BICD1: variants seen among roughly 807,000 people sequenced by gnomAD.
BICD1 encodes BICD cargo adaptor 1.
Under a neutral mutation model 92.5 loss-of-function variants are expected in BICD1, and 35 were observed. That is an observed-to-expected ratio of 0.38 (90% CI 0.29 to 0.50). The LOEUF is 0.50. Among genes scored for constraint, BICD1 ranks in the 20% least tolerant of loss-of-function variants. The pLI is 0.93. For missense variants in BICD1, 950 were observed against 1,189.8 expected (o/e 0.80, Z 2.97); for synonymous variants, 429 against 465.1 (o/e 0.92, Z 1.00).
chr12:32,311,496 C>CA (rs1408202568), intron 4 of BICD1, among the ~76,000 whole-genome samples: 8 of 150,824 alleles, frequency 5.3e-5, no homozygotes, highest in Admixed American at 1.3e-4. Flanking sequence ...GACTCTGTCT[C>CA]AAAAAAAAGA....
intron 4 of BICD1, among the ~76,000 whole-genome samples, chr12:32,306,365 T>C (rs1004200561): frequency 2.0e-5 from 3 of 152,090 alleles, no homozygotes; most frequent in Non-Finnish European, 4.4e-5. Context: ...TGCCTCAGCC[T>C]CCCGAGTAGC....
chr12:32,359,280 T>TTC (rs1939231577), intron 8 of BICD1, among the ~76,000 whole-genome samples: 1 of 152,236 alleles, frequency 6.6e-6, no homozygotes, highest in South Asian at 2.1e-4. Flanking sequence ...TTAGTCCATT[T>TTC]TCTGTTCCTT....
chr12:32,169,212 A>G (rs1422401428), intron 1 of BICD1, among the ~76,000 whole-genome samples: 1 of 152,156 alleles, frequency 6.6e-6, no homozygotes, highest in Non-Finnish European at 1.5e-5. Flanking sequence ...ATCAATGGAA[A>G]AATTATTTTC....
chr12:32,301,359 C>CT (rs1948038586), intron 3 of BICD1, among the ~76,000 whole-genome samples: 1 of 152,034 alleles, frequency 6.6e-6, no homozygotes, highest in Admixed American at 6.5e-5. Flanking sequence ...TGACTGGATG[C>CT]TTTAGTGTGG....
At chr12:32,209,302 A>T (rs771271231) in intron 1 of BICD1, among the ~76,000 whole-genome samples, 56 of 152,262 alleles carry the variant, frequency 3.7e-4, no homozygotes, top group Admixed American at 2.4e-3. Context: ...CTACTCCAAA[A>T]ATATTTGAAG....
At chr12:32,134,640 CACCGCG>C (rs2121322696) in intron 1 of BICD1, among the ~76,000 whole-genome samples, 1 of 152,286 alleles carries the variant, frequency 6.6e-6, no homozygotes, top group South Asian at 2.1e-4. Context: ...GTGTTTTCAG[CACCGCG>C]ACTCTGTCAT....
intron 2 of BICD1, among the ~76,000 whole-genome samples, chr12:32,274,217 T>C (rs1408285274): frequency 6.6e-6 from 1 of 152,340 alleles, no homozygotes; most frequent in Non-Finnish European, 1.5e-5. Flanking sequence ...TTTTCTAGAC[T>C]TCTAATATGA....
chr12:32,166,475 T>G (rs549314468), intron 1 of BICD1, among the ~76,000 whole-genome samples: 118 of 152,050 alleles, frequency 7.8e-4, no homozygotes, highest in Non-Finnish European at 1.4e-3. Context: ...GGGGGGATGC[T>G]TCTGGCATCT....
chr12:32,282,255 C>G, intron 2 of BICD1, among the ~76,000 whole-genome samples: 1 of 118,128 alleles, frequency 8.5e-6, no homozygotes. Flanking sequence ...GGGTCTCACT[C>G]TGTTGCCCAG....
chr12:32,174,828 A>C (rs970511659), intron 1 of BICD1, among the ~76,000 whole-genome samples: 1 of 152,198 alleles, frequency 6.6e-6, no homozygotes, highest in African/African-American at 2.4e-5. Flanking sequence ...AATCATTCAG[A>C]TCTGAAACCT....
chr12:32,138,406 T>C (rs1942802598), intron 1 of BICD1, among the ~76,000 whole-genome samples: 1 of 152,198 alleles, frequency 6.6e-6, no homozygotes, highest in South Asian at 2.1e-4. Flanking sequence ...GTTTATAGAG[T>C]TGATATCAGT....
At chr12:32,221,356 A>AAAATAAAT (rs1555150050) in intron 2 of BICD1, among the ~76,000 whole-genome samples, 4 of 149,848 alleles carry the variant, frequency 2.7e-5, no homozygotes, top group South Asian at 2.1e-4. Flanking sequence ...AAAAAATAAA[A>AAAATAAAT]AAATAAATAA....
chr12:32,130,897 G>A (rs1378102195), intron 1 of BICD1, among the ~76,000 whole-genome samples: 1 of 151,980 alleles, frequency 6.6e-6, no homozygotes, highest in Non-Finnish European at 1.5e-5. Context: ...GAGTTCAGTG[G>A]TGTGATCTCA....
chr12:32,380,761 A>G lies in BICD1; in HGVS notation c.*3134A>G, dbSNP rs892356004. On this transcript the variant is annotated 3_prime_UTR_variant, in exon 10 of 10. Coordinates refer to ENST00000652176, the MANE Select transcript of BICD1 (RefSeq NM_001714.4). ...AGAAAAAGGAAAACTGTTAAATAAGAAAAGACCTATTTAGAAATTATACTT... is the reference window on the plus strand; with the variant it reads ...AGAAAAAGGAAAACTGTTAAATAAGGAAAGACCTATTTAGAAATTATACTT... 1.3e-5 allele frequency: 2 copies of G among 152,174 alleles called. No homozygotes were observed. Among genetic ancestry groups the G allele is most frequent in the Non-Finnish European group, 2.9e-5 (2 of 67,994 alleles). The allele number at this position is 152,174 out of a possible 1,614,324, so 9.4% of individuals were successfully genotyped here. A position where few individuals can be genotyped will look rare whatever the true frequency, so the allele number is the denominator to read the frequency against.
chr12:32,248,642 T>G (rs534866496), intron 2 of BICD1, among the ~76,000 whole-genome samples: 26 of 151,972 alleles, frequency 1.7e-4, no homozygotes, highest in Non-Finnish European at 3.2e-4. Flanking sequence ...TAGAAGAGGG[T>G]GGGGAGAACT....
intron 8 of BICD1, among the ~76,000 whole-genome samples, chr12:32,341,928 T>C (rs1483226582): frequency 6.6e-6 from 1 of 151,864 alleles, no homozygotes; most frequent in Non-Finnish European, 1.5e-5. Context: ...ATATGACATA[T>C]AATACCAGTC....
intron 5 of BICD1, among the ~76,000 whole-genome samples, chr12:32,334,266 G>C (rs2136274843): frequency 6.6e-6 from 1 of 152,174 alleles, no homozygotes; most frequent in African/African-American, 2.4e-5. Context: ...CATTCTCTTA[G>C]CTCCTGATAC....
At chr12:32,243,359 C>T (rs1565613153) in intron 2 of BICD1, among the ~76,000 whole-genome samples, 1 of 149,090 alleles carries the variant, frequency 6.7e-6, no homozygotes, top group Non-Finnish European at 1.5e-5. Context: ...AGCGGTCTGC[C>T]TGCTTTGGCC....
intron 2 of BICD1, among the ~76,000 whole-genome samples, chr12:32,268,063 A>G (rs1257338632): frequency 6.6e-6 from 1 of 152,094 alleles, no homozygotes; most frequent in African/African-American, 2.4e-5. Flanking sequence ...GTCCCAAAGC[A>G]CTGGGATTAC....
Sources: allele counts gnomAD v4.1 joint callset (sites outside exome capture counted in the v4.1 genomes callset), GRCh38; gene constraint gnomAD v4.1.1; transcripts MANE v1.5; gene names NCBI Gene and HGNC (gene_info 2026-07-23, HGNC 2026-07-21).